Variants in TRDN observed in about 807,000 individuals in gnomAD.
The protein encoded by TRDN is triadin, also known as triadin in skeletal muscle.
A neutral mutation model predicts 149.7 loss-of-function variants in TRDN; 161 were observed. The ratio of observed to expected loss-of-function variants is 1.08; its 90% CI spans 0.95 to 1.23. The LOEUF is 1.23. Ranked by LOEUF, TRDN falls within the 50% of genes most tolerant of loss-of-function variation. TRDN has a pLI of 0.00. For synonymous variants in TRDN, 294 were observed against 250.5 expected, an observed-to-expected ratio of 1.17 and a Z score of -1.64; for missense variants, 896 against 823.5, an observed-to-expected ratio of 1.09 and a Z score of -1.08.
chr6:123,545,145 A>G (rs762991324), intron 4 of TRDN, among the ~76,000 whole-genome samples: 5 of 152,024 alleles, frequency 3.3e-5, no homozygotes, highest in East Asian at 3.8e-4. Context: ...TATTGAATAT[A>G]TATGAATTGA....
chr6:123,378,841 C>T (rs1406647020), intron 16 of TRDN, among the ~76,000 whole-genome samples: 1 of 152,072 alleles, frequency 6.6e-6, no homozygotes, highest in African/African-American at 2.4e-5. Flanking sequence ...CTTTATATAG[C>T]GTTTCTTTTC....
chr6:123,450,686 G>T (rs1273137342), intron 10 of TRDN, among the ~76,000 whole-genome samples: 4 of 152,078 alleles, frequency 2.6e-5, no homozygotes, highest in Non-Finnish European at 5.9e-5. Context: ...GCACTAAACT[G>T]ATCATCAAGA....
intron 1 of TRDN, among the ~76,000 whole-genome samples, chr6:123,586,982 T>TG (rs553233581): frequency 6.6e-6 from 1 of 151,024 alleles, no homozygotes; most frequent in East Asian, 2.0e-4. Flanking sequence ...AAATAAGGGA[T>TG]GGGGGCACAG....
intron 1 of TRDN, among the ~76,000 whole-genome samples, chr6:123,610,527 G>T (rs993076218): frequency 6.6e-6 from 1 of 152,090 alleles, no homozygotes; most frequent in South Asian, 2.1e-4. Flanking sequence ...TTTCATAGTC[G>T]CTGTCTTTAC....
At position 123,216,826 on chromosome 6, in the gene TRDN, G is replaced by A. The variant is rs772911322; in HGVS notation, c.*1775C>T. 11 of 151,770 alleles carry A rather than the reference G, an allele frequency of 7.2e-5. No homozygotes were observed. Among genetic ancestry groups the A allele is most frequent in the South Asian group, 2.1e-4 (1 of 4,822 alleles). The allele number at this position is 151,770 out of a possible 1,614,324, so 9.4% of individuals were successfully genotyped here. On this transcript the variant is annotated 3_prime_UTR_variant, in exon 41 of 41. Coordinates refer to ENST00000334268, the MANE Select transcript of TRDN (RefSeq NM_006073.4). ...TGTACAATACAGCACCTAACACAGC[G>A]CCCTAAAAGAGTAGGTATTCAATAA...
intron 1 of TRDN, among the ~76,000 whole-genome samples, chr6:123,591,345 A>G (rs1783771515): frequency 6.6e-6 from 1 of 152,140 alleles, no homozygotes. Flanking sequence ...TCCTGGGTTC[A>G]AGCAATTCTC....
chr6:123,630,605 A>C (rs967611380), intron 1 of TRDN, among the ~76,000 whole-genome samples: 6 of 151,988 alleles, frequency 3.9e-5, no homozygotes, highest in African/African-American at 1.2e-4. Context: ...ATAGGAAAAA[A>C]AATAAGAAAC....
At chr6:123,310,041 A>C (rs1263530398) in intron 24 of TRDN, among the ~76,000 whole-genome samples, 1 of 152,040 alleles carries the variant, frequency 6.6e-6, no homozygotes, top group Non-Finnish European at 1.5e-5. Context: ...TCTTGCTACT[A>C]TTGTGATGAA....
intron 38 of TRDN, among the ~76,000 whole-genome samples, chr6:123,247,209 C>T (rs1776213853): frequency 6.6e-6 from 1 of 152,196 alleles, no homozygotes; most frequent in African/African-American, 2.4e-5. Flanking sequence ...AGTATGTGCT[C>T]TCTCACCACT....
chr6:123,324,891 C>T (rs1779383902), intron 23 of TRDN, among the ~76,000 whole-genome samples: 1 of 152,100 alleles, frequency 6.6e-6, no homozygotes, highest in Admixed American at 6.6e-5. Context: ...ATGTGTTAGG[C>T]TGTAAATTGC....
Position 123,464,807 on chromosome 6 carries a change from G to T in TRDN, c.931+99C>A, listed in dbSNP as rs1413784730. On this transcript the variant is annotated intron_variant, in intron 10 of 40. Transcript: ENST00000334268. ...TACTAAAAGTATTTAAGAAAATATT[G>T]GATTTTGCTGTTTCTTTGTGACTAT... is the stretch of plus-strand genomic sequence containing the variant. 34 of 1,506,864 alleles carry T rather than the reference G, an allele frequency of 2.3e-5. No homozygotes were observed. The South Asian group carries it at 4.1e-4, about 18-fold the overall frequency. The allele number at this position is 1,506,864 out of a possible 1,614,324, so 93.3% of individuals were successfully genotyped here. A position where few individuals can be genotyped will look rare whatever the true frequency, so the allele number is the denominator to read the frequency against.
At chr6:123,622,978 T>C (rs979034265) in intron 1 of TRDN, among the ~76,000 whole-genome samples, 2 of 152,116 alleles carry the variant, frequency 1.3e-5, no homozygotes, top group African/African-American at 4.8e-5. Context: ...CAAAGCACTC[T>C]CTTTCACTTT....
At chr6:123,386,748 G>A (rs1781918295) in intron 14 of TRDN, among the ~76,000 whole-genome samples, 1 of 152,172 alleles carries the variant, frequency 6.6e-6, no homozygotes, top group African/African-American at 2.4e-5. Context: ...TAGCTCCTCA[G>A]CAATGACGTG....
chr6:123,506,613 C>T (rs1382954964), intron 7 of TRDN, among the ~76,000 whole-genome samples: 3 of 151,956 alleles, frequency 2.0e-5, no homozygotes, highest in Admixed American at 6.6e-5. Flanking sequence ...ATCAGCCTCC[C>T]GAGTAGCTGG....
chr6:123,336,120 A>AT (rs79173054), intron 22 of TRDN, among the ~76,000 whole-genome samples: 27,014 of 151,438 alleles, frequency 0.18, 3,413 homozygotes, highest in East Asian at 0.63. Context: ...TGCCAAATAG[A>AT]TTTTTTTTTG....
At chr6:123,635,401 A>G (rs889875965) in intron 1 of TRDN, among the ~76,000 whole-genome samples, 1 of 151,734 alleles carries the variant, frequency 6.6e-6, no homozygotes, top group Non-Finnish European at 1.5e-5. Flanking sequence ...GCTGGTCTTG[A>G]GCAAGTCACA....
intron 2 of TRDN, among the ~76,000 whole-genome samples, chr6:123,553,044 A>G (rs1451369858): frequency 6.6e-6 from 1 of 152,194 alleles, no homozygotes; most frequent in African/African-American, 2.4e-5. Flanking sequence ...TGCGTAATAC[A>G]TGAGATAATA....
intron 10 of TRDN, chr6:123,462,830 A>G (rs1307115312): frequency 1.3e-5 from 2 of 152,068 alleles, no homozygotes; most frequent in Non-Finnish European, 2.9e-5. Flanking sequence ...GCTCCTAATC[A>G]ATTATGTTAA....
intron 9 of TRDN, among the ~76,000 whole-genome samples, chr6:123,472,248 G>T (rs543049727): frequency 6.6e-6 from 1 of 152,304 alleles, no homozygotes; most frequent in Admixed American, 6.5e-5. Flanking sequence ...CCAAAGCAGG[G>T]GGAGGCATTG....
Sources: gnomAD v4.1 joint callset for allele counts (sites outside exome capture counted in the v4.1 genomes callset) on GRCh38, gnomAD v4.1.1 for gene constraint, MANE v1.5 for transcripts, NCBI Gene and HGNC (gene_info 2026-07-23, HGNC 2026-07-21) for gene names.